The following SFSWAP variants were observed in gnomAD, a reference collection of about 807,000 sequenced individuals.
SFSWAP encodes the protein splicing factor SWAP, also known as splicing factor, suppressor of white-apricot homolog.
A neutral mutation model predicts 100.7 loss-of-function variants in SFSWAP; 17 were observed. The ratio of observed to expected loss-of-function variants is 0.17; its 90% CI spans 0.12 to 0.25. The LOEUF is 0.25. Ranked by LOEUF, SFSWAP falls within the 10% of genes least tolerant of loss-of-function variation. SFSWAP has a pLI of 1.00. For synonymous variants in SFSWAP, 504 were observed against 510.1 expected (o/e 0.99, Z 0.16); for missense variants, 1,005 against 1,262.6 (o/e 0.80, Z 3.09).
chr12:131,719,234 ACCCCACCTCC>A (rs1431790030), intron 3 of SFSWAP, among the ~76,000 whole-genome samples: 5 of 151,766 alleles, frequency 3.3e-5, no homozygotes, highest in Non-Finnish European at 7.4e-5. Context: ...CTTCTGCTGC[ACCCCACCTCC>A]CCCCACCACC....
intron 14 of SFSWAP, chr12:131,783,816 A>ATATATATATATATATATATATG (rs1884691265): frequency 7.3e-6 from 1 of 136,206 alleles, no homozygotes; most frequent in African/African-American, 2.6e-5. Flanking sequence ...ATATATATAT[A>ATATATATATATATATATATATG]TATATAATTC....
At chr12:131,773,200 C>T (rs1450348104) in intron 13 of SFSWAP, among the ~76,000 whole-genome samples, 2 of 152,182 alleles carry the variant, frequency 1.3e-5, no homozygotes, top group Non-Finnish European at 2.9e-5. Context: ...GCCTGTATCA[C>T]ATACATTCTC....
chr12:131,796,020 G>GGGGGAGGGGAGGGGAGGGGAGGGGAGA lies in SFSWAP; in HGVS notation c.2535-1137_2535-1136insGGGAGAGGGGAGGGGAGGGGAGGGGAG, dbSNP rs1237050997. On this transcript the variant is annotated intron_variant, in intron 15 of 17. Transcript: ENST00000261674. Reference sequence around the variant, plus strand: ...GAGGGGGAGGGGAGGGGAGGGGAGAGGGGGAGGGGAGGGGAGGGGAGCGGA... The same window carrying GGGGGAGGGGAGGGGAGGGGAGGGGAGA: ...GAGGGGGAGGGGAGGGGAGGGGAGAGGGGGAGGGGAGGGGAGGGGAGGGGAGAGGGGAGGGGAGGGGAGGGGAGCGGA... 9.6e-4 allele frequency: 5 copies of GGGGGAGGGGAGGGGAGGGGAGGGGAGA among 5,182 alleles called. 1 individual carries two copies. The allele number at this position is 5,182 out of a possible 1,614,324, so 0.3% of individuals were successfully genotyped here. A position where few individuals can be genotyped will look rare whatever the true frequency, so the allele number is the denominator to read the frequency against.
chr12:131,714,651 A>G lies in SFSWAP; in HGVS notation c.389-171A>G, dbSNP rs973597013. On this transcript the variant is annotated intron_variant, in intron 2 of 17. Coordinates refer to ENST00000261674, the MANE Select transcript of SFSWAP (RefSeq NM_004592.4). The surrounding 1 kb of genome is among the most constrained non-coding windows in gnomAD (Gnocchi z 6.0). ...GTCTGTGGGTAAACATGTACTGACA[A>G]AAGTACATAATGATAGATATAAAGT... The G allele has an allele frequency of 1.6e-5, 10 of 628,304 alleles. No homozygotes were observed. The highest frequency in any genetic ancestry group is 4.3e-4 in the Middle Eastern group (1 of 2,312). 38.9% of individuals were successfully genotyped at this position (628,304 alleles called of 1,614,324 possible). A position where few individuals can be genotyped will look rare whatever the true frequency, so the allele number is the denominator to read the frequency against.
intron 5 of SFSWAP, among the ~76,000 whole-genome samples, chr12:131,726,488 G>A (rs927882984): frequency 2.0e-5 from 3 of 152,216 alleles, no homozygotes; most frequent in Non-Finnish European, 4.4e-5. Flanking sequence ...GGGATTACAG[G>A]CGTGAGCCAC....
intron 7 of SFSWAP, among the ~76,000 whole-genome samples, chr12:131,736,689 T>G (rs979308913): frequency 2.6e-5 from 4 of 151,098 alleles, no homozygotes; most frequent in African/African-American, 9.9e-5. Flanking sequence ...AGGAGCGCAC[T>G]CATAGGCATA....
chr12:131,745,547 C>A (rs1021366686), intron 7 of SFSWAP, among the ~76,000 whole-genome samples: 1 of 152,174 alleles, frequency 6.6e-6, no homozygotes, highest in Non-Finnish European at 1.5e-5. Flanking sequence ...AACAATTATT[C>A]TTGAATCGTG....
Position 131,778,355 on chromosome 12 carries a change from C to T in SFSWAP, c.2408+25C>T. ...GGTGGGTGTGAAGGGGGCAGCACCTCTGGTACCCTCATGACCCCCATGTCC... is the reference window on the plus strand; with the variant it reads ...GGTGGGTGTGAAGGGGGCAGCACCTTTGGTACCCTCATGACCCCCATGTCC... On this transcript the variant is annotated intron_variant, in intron 14 of 17. Transcript: ENST00000261674. The surrounding 1 kb of genome is among the most constrained non-coding windows in gnomAD (Gnocchi z 4.2). 6.2e-7 allele frequency: 1 copy of T among 1,604,210 alleles called. No individual in the cohort carries two copies. The highest frequency in any genetic ancestry group is 1.3e-5 in the African/African-American group (1 of 74,256).
Position 131,747,103 on chromosome 12 carries a change from C to CA in SFSWAP, c.1082-6004dup, listed in dbSNP as rs398021689. ...TGGGCAACAGAGCGAGACTCTGTCT[C>CA]AAAAAAAAAAAAAAAAGCTCATGCC... On this transcript the variant is annotated intron_variant, in intron 7 of 17. Coordinates refer to ENST00000261674, the MANE Select transcript of SFSWAP (RefSeq NM_004592.4). 8.6e-3 allele frequency among the ~76,000 whole-genome samples: 831 copies of CA among 96,782 alleles called. 14 individuals carry two copies. The highest frequency in any genetic ancestry group is 0.023 in the South Asian group (62 of 2,726). The allele number at this position is 96,782 out of a possible 152,430, so 63.5% of individuals were successfully genotyped here. A position where few individuals can be genotyped will look rare whatever the true frequency, so the allele number is the denominator to read the frequency against.
chr12:131,766,442 G>A, intron 13 of SFSWAP, 134 bp downstream of exon 13: 2 of 802,564 alleles, frequency 2.5e-6, no homozygotes, highest in Non-Finnish European at 4.0e-6. Flanking sequence ...CTCCCGACAT[G>A]GTTGAGTGGC....
intron 7 of SFSWAP, among the ~76,000 whole-genome samples, chr12:131,746,972 C>T (rs572489591): frequency 1.4e-4 from 22 of 152,102 alleles, no homozygotes; most frequent in Admixed American, 6.5e-4. Flanking sequence ...GGTGTGGTGG[C>T]GGGTGCCTGT....
chr12:131,747,709 G>A (rs1791220137), intron 7 of SFSWAP, among the ~76,000 whole-genome samples: 1 of 152,238 alleles, frequency 6.6e-6, no homozygotes, highest in South Asian at 2.1e-4. Context: ...GGATGGATGA[G>A]GGGTGTGGCC....
chr12:131,738,984 A>G (rs201662312), intron 7 of SFSWAP, among the ~76,000 whole-genome samples: 1 of 60,534 alleles, frequency 1.7e-5, no homozygotes, highest in Non-Finnish European at 3.4e-5. Flanking sequence ...ACCTCAAGCT[A>G]TCCTCCCACC....
chr12:131,792,244 G>A (rs1240096687), intron 15 of SFSWAP, among the ~76,000 whole-genome samples: 3 of 151,106 alleles, frequency 2.0e-5, no homozygotes, highest in Admixed American at 2.0e-4. Flanking sequence ...GCCCGTGTGT[G>A]TTCACAGACC....
At chr12:131,726,900 C>T (rs781508103) in intron 5 of SFSWAP, 40 bp from the exon 6 acceptor site, 2 of 1,262,252 alleles carry the variant, frequency 1.6e-6, no homozygotes, top group Non-Finnish European at 2.3e-6. Flanking sequence ...CTTTTTTTCT[C>T]ACCAAACACC....
At chr12:131,732,839 A>G (rs1485005761) in intron 7 of SFSWAP, among the ~76,000 whole-genome samples, 1 of 152,230 alleles carries the variant, frequency 6.6e-6, no homozygotes, top group Non-Finnish European at 1.5e-5. Flanking sequence ...GAAGTACTCT[A>G]GTAGGATACT....
At chr12:131,776,734 C>A (rs1216151196) in intron 13 of SFSWAP, among the ~76,000 whole-genome samples, 1 of 152,208 alleles carries the variant, frequency 6.6e-6, no homozygotes, top group Non-Finnish European at 1.5e-5. Context: ...CAGCACCTAA[C>A]CTGAATTTCT....
chr12:131,713,870 C>T (rs1419133986), intron 1 of SFSWAP: 1 of 375,306 alleles, frequency 2.7e-6, no homozygotes, highest in East Asian at 4.0e-5. Flanking sequence ...GTTAAGATAA[C>T]TTGAGTTTAA....
At chr12:131,746,541 C>T (rs1364722005) in intron 7 of SFSWAP, among the ~76,000 whole-genome samples, 2 of 152,194 alleles carry the variant, frequency 1.3e-5, no homozygotes, top group East Asian at 3.8e-4. Context: ...TTTTCTGTGA[C>T]TTCTCTTTCT....
Sources: gnomAD v4.1 joint callset for allele counts (sites outside exome capture counted in the v4.1 genomes callset) on GRCh38, gnomAD v4.1.1 for gene constraint, Gnocchi (gnomAD v3.1) non-coding constraint, MANE v1.5 for transcripts, NCBI Gene and HGNC (gene_info 2026-07-23, HGNC 2026-07-21) for gene names.